The following GPD2 variants were observed in gnomAD, a reference collection of about 807,000 sequenced individuals.
GPD2 encodes the protein glycerol-3-phosphate dehydrogenase, mitochondrial.
In GPD2, 54 loss-of-function variants were observed where a neutral mutation model predicts 82.4. The ratio of observed to expected loss-of-function variants is 0.66; its 90% CI spans 0.53 to 0.82. The LOEUF is 0.82. Ranked by LOEUF, GPD2 falls within the 40% of genes least tolerant of loss-of-function variation. The pLI, the probability that GPD2 is intolerant of heterozygous loss-of-function variation, is 0.00. For missense variants in GPD2, 748 were observed against 896.2 expected, an observed-to-expected ratio of 0.83 and a Z score of 2.11; for synonymous variants, 288 against 306.1, an observed-to-expected ratio of 0.94 and a Z score of 0.62.
At chr2:156,474,278 A>G (rs1683429702) in intron 1 of GPD2, among the ~76,000 whole-genome samples, 1 of 152,238 alleles carries the variant, frequency 6.6e-6, no homozygotes, top group African/African-American at 2.4e-5. Context: ...TTTCTATAGG[A>G]TCATAGTTAT....
At chr2:156,530,414 C>T (rs1685803718) in intron 6 of GPD2, among the ~76,000 whole-genome samples, 1 of 151,012 alleles carries the variant, frequency 6.6e-6, no homozygotes, top group African/African-American at 2.4e-5. Context: ...TAACTGAATA[C>T]CCTTTATTTC....
chr2:156,568,342 G>A (rs1173364516), intron 9 of GPD2, among the ~76,000 whole-genome samples: 1 of 152,094 alleles, frequency 6.6e-6, no homozygotes, highest in Non-Finnish European at 1.5e-5. Context: ...GAAGAGGGTG[G>A]TATTGATGAG....
At chr2:156,552,995 G>A (rs1686819927) in intron 8 of GPD2, among the ~76,000 whole-genome samples, 1 of 149,198 alleles carries the variant, frequency 6.7e-6, no homozygotes, top group Non-Finnish European at 1.5e-5. Context: ...CACCTCCTGA[G>A]TTCAAGTGAT....
At chr2:156,455,765 G>A (rs1682770678) in intron 1 of GPD2, among the ~76,000 whole-genome samples, 1 of 151,610 alleles carries the variant, frequency 6.6e-6, no homozygotes, top group Non-Finnish European at 1.5e-5. Flanking sequence ...TTTTGTTTGT[G>A]TTAGAATGCT....
At chr2:156,443,070 C>T (rs1682233454) in intron 1 of GPD2, among the ~76,000 whole-genome samples, 1 of 152,068 alleles carries the variant, frequency 6.6e-6, no homozygotes, top group African/African-American at 2.4e-5. Flanking sequence ...GTAGGAATTC[C>T]CTACTGTTGT....
At chr2:156,504,016 T>C (rs1354669276) in intron 3 of GPD2, among the ~76,000 whole-genome samples, 1 of 152,062 alleles carries the variant, frequency 6.6e-6, no homozygotes, top group Non-Finnish European at 1.5e-5. Context: ...TCCATAATCA[T>C]GTGTGTACTT....
intron 1 of GPD2, among the ~76,000 whole-genome samples, chr2:156,469,946 A>G (rs1683272876): frequency 6.6e-6 from 1 of 152,176 alleles, no homozygotes; most frequent in South Asian, 2.1e-4. Context: ...TGGATCTCAC[A>G]CAAGAGTTAA....
chr2:156,548,922 C>G (rs1051609687), intron 6 of GPD2, among the ~76,000 whole-genome samples: 2 of 151,734 alleles, frequency 1.3e-5, no homozygotes, highest in African/African-American at 4.8e-5. Context: ...AATCATCTTT[C>G]CCCCCTTCTC....
At chr2:156,575,402 C>CTTTTTTTTTTTTTT (rs35297244) in intron 13 of GPD2, among the ~76,000 whole-genome samples, 3 of 91,148 alleles carry the variant, frequency 3.3e-5, no homozygotes, top group Non-Finnish European at 4.6e-5. Flanking sequence ...CTTTTCTTTT[C>CTTTTTTTTTTTTTT]TTTTTTTTTT....
At chr2:156,468,814 T>G (rs1297005237) in intron 1 of GPD2, among the ~76,000 whole-genome samples, 1 of 152,238 alleles carries the variant, frequency 6.6e-6, no homozygotes, top group East Asian at 1.9e-4. Flanking sequence ...ATCCATTACC[T>G]TAAGCATTTA....
chr2:156,537,364 C>T (rs1275649020), intron 6 of GPD2, among the ~76,000 whole-genome samples: 4 of 152,070 alleles, frequency 2.6e-5, no homozygotes, highest in African/African-American at 4.8e-5. Context: ...TAACCACTGG[C>T]GAGCATTTCC....
At position 156,513,505 on chromosome 2, in the gene GPD2, T is replaced by A; in HGVS notation, c.661+9T>A. On this transcript the variant is annotated intron_variant, in intron 6 of 16. Coordinates refer to ENST00000438166, the MANE Select transcript of GPD2 (RefSeq NM_000408.5). ...AATTGTCTACTATGACGGTATGTGA[T>A]GTTTTTTTTTTTTTTCCTCACAAGA... The A allele has an allele frequency of 6.2e-7, 1 of 1,604,294 alleles. No individual in the cohort carries two copies. The highest frequency in any genetic ancestry group is 8.5e-7 in the Non-Finnish European group (1 of 1,172,680).
At chr2:156,498,366 T>C (rs934046984) in intron 3 of GPD2, among the ~76,000 whole-genome samples, 1 of 152,112 alleles carries the variant, frequency 6.6e-6, no homozygotes, top group African/African-American at 2.4e-5. Flanking sequence ...CACTGAAACA[T>C]GAGGGTAGTC....
intron 1 of GPD2, among the ~76,000 whole-genome samples, chr2:156,466,350 A>C (rs1683148736): frequency 6.6e-6 from 1 of 152,216 alleles, no homozygotes; most frequent in African/African-American, 2.4e-5. Context: ...CAAACATAAT[A>C]GAAACTATTC....
chr2:156,516,609 G>A (rs1685205461), intron 6 of GPD2, among the ~76,000 whole-genome samples: 2 of 152,158 alleles, frequency 1.3e-5, no homozygotes, highest in African/African-American at 4.8e-5. Context: ...TACCTGGCTA[G>A]TTGTTTTTTA....
At chr2:156,425,986 C>G in the GPD2 span, among the ~76,000 whole-genome samples, 22 of 150,938 alleles carry the variant, frequency 1.5e-4, no homozygotes, top group South Asian at 2.1e-4. Flanking sequence ...GCAGTGGCGC[C>G]ATCTCGGCTC....
chr2:156,545,354 T>C (rs192930631), intron 6 of GPD2, among the ~76,000 whole-genome samples: 31 of 152,312 alleles, frequency 2.0e-4, no homozygotes, highest in Middle Eastern at 3.4e-3. Flanking sequence ...GGGGAATAAA[T>C]TTAGTTAGAA....
chr2:156,508,763 C>A (rs1298338833), intron 3 of GPD2, among the ~76,000 whole-genome samples: 3 of 152,180 alleles, frequency 2.0e-5, no homozygotes, highest in African/African-American at 7.2e-5. Context: ...AAGAAGAACT[C>A]TGTGTTGGAC....
chr2:156,505,971 G>C (rs977227402), intron 3 of GPD2, among the ~76,000 whole-genome samples: 1 of 152,142 alleles, frequency 6.6e-6, no homozygotes, highest in African/African-American at 2.4e-5. Flanking sequence ...AACCACAGAA[G>C]AACCTCAAAA....
Sources: allele counts gnomAD v4.1 joint callset (sites outside exome capture counted in the v4.1 genomes callset), GRCh38; gene constraint gnomAD v4.1.1; transcripts MANE v1.5; gene names NCBI Gene and HGNC (gene_info 2026-07-23, HGNC 2026-07-21).